PCDHGA10: variants seen among roughly 807,000 people sequenced by gnomAD.
The protein encoded by PCDHGA10 is protocadherin gamma-A10.
PCDHGA10 carries 42 observed loss-of-function variants against 59.5 expected under a neutral mutation model. That is an observed-to-expected ratio of 0.71 (90% CI 0.55 to 0.91). The LOEUF is 0.91. Ranked by LOEUF, PCDHGA10 falls within the 40% of genes least tolerant of loss-of-function variation. The pLI is 0.00. For synonymous variants in PCDHGA10, 511 were observed against 517.2 expected (o/e 0.99, Z 0.16); for missense variants, 1,111 against 1,198.2 (o/e 0.93, Z 1.07).
chr5:141,420,519 A>G (rs1056198647), intron 1 of PCDHGA10: 1 of 387,066 alleles, frequency 2.6e-6, no homozygotes, highest in African/African-American at 2.1e-5. Flanking sequence ...GAAGTAAAAT[A>G]CCTTTCGGTT....
Position 141,413,187 on chromosome 5 carries a change from A to G in PCDHGA10, c.12A>G (p.Gln4=), listed in dbSNP as rs778441437. The G allele has an allele frequency of 6.2e-6, 10 of 1,606,328 alleles. No individual in the cohort carries two copies. The African/African-American group carries it at 1.3e-4, about 22-fold the overall frequency. The change falls in exon 1 of 4, where the codon CAA becomes CAG. Residue 4 remains glutamine (Q), a synonymous_variant. Transcript: ENST00000398610. The part of the protein sequence containing the change: MAA[Q]RNRSKESKDC... Reference sequence around the variant, plus strand: ...GTAACCAGACTACAATGGCCGCTCAAAGGAATCGCTCAAAGGAATCAAAGG... The same window carrying G: ...GTAACCAGACTACAATGGCCGCTCAGAGGAATCGCTCAAAGGAATCAAAGG...
intron 1 of PCDHGA10, among the ~76,000 whole-genome samples, chr5:141,444,872 G>T (rs2098449555): frequency 6.6e-6 from 1 of 152,120 alleles, no homozygotes. Context: ...ACAGGACAAA[G>T]CTTGTAGGAT....
At chr5:141,455,394 C>T (rs1034564159) in intron 1 of PCDHGA10, among the ~76,000 whole-genome samples, 2 of 152,004 alleles carry the variant, frequency 1.3e-5, no homozygotes, top group African/African-American at 4.8e-5. Context: ...AAGGAGCTCC[C>T]CCTTACAGAG....
In PCDHGA10 at chr5:141,474,958, C is replaced by T. The variant is rs114469479; in HGVS notation, c.2437-19849C>T. On this transcript the variant is annotated intron_variant, in intron 1 of 3. Transcript: ENST00000398610. ...CACAGTGGACTCTTTTATTCACTAT[C>T]CTAATCATTATAATTTTGTTTGGTG... is the stretch of plus-strand genomic sequence containing the variant. Among the ~76,000 whole-genome samples the T allele has an allele frequency of 4.4e-3, 666 of 152,340 alleles. 6 individuals are homozygous for T. The highest frequency in any genetic ancestry group is 0.015 in the African/African-American group (634 of 41,572).
intron 1 of PCDHGA10, chr5:141,421,203 G>A (rs779780797): frequency 2.6e-6 from 4 of 1,522,494 alleles, no homozygotes; most frequent in African/African-American, 1.4e-5. Context: ...TCGAGAAACC[G>A]CGGAATATCG....
chr5:141,487,176 A>T lies in PCDHGA10; in HGVS notation c.2437-7631A>T. ...ACTCTCTTAGTGTCCTTAGAGGAAG[A>T]CACTCATCCAGTTGTCCCAGATCTT... On this transcript the variant is annotated intron_variant, in intron 1 of 3. Transcript: ENST00000398610. This position sits in a 1 kb window ranked among gnomAD's most constrained non-coding sequence, Gnocchi z 5.0. 1 of 1,613,774 alleles carries T rather than the reference A, an allele frequency of 6.2e-7. No individual in the cohort carries two copies. Among genetic ancestry groups the T allele is most frequent in the South Asian group, 1.1e-5 (1 of 91,082 alleles).
rs775153988 is a variant in PCDHGA10 at position 141,485,268 on chromosome 5, G to A, written c.2437-9539G>A. On this transcript the variant is annotated intron_variant, in intron 1 of 3. Coordinates refer to ENST00000398610, the MANE Select transcript of PCDHGA10 (RefSeq NM_018913.3). This position sits in a 1 kb window ranked among gnomAD's most constrained non-coding sequence, Gnocchi z 5.7. ...CTGGGTTACGTTTGTGGGCAGATCC[G>A]CTACCCGGTCCCAGAGGAGTCACAG... 6.2e-7 allele frequency: 1 copy of A among 1,614,100 alleles called. No homozygotes were observed. Among genetic ancestry groups the A allele is most frequent in the Non-Finnish European group, 8.5e-7 (1 of 1,179,936 alleles).
chr5:141,491,361 C>T lies in PCDHGA10; in HGVS notation c.2437-3446C>T. 1 of 1,614,132 alleles carries T rather than the reference C, an allele frequency of 6.2e-7. No homozygotes were observed. The highest frequency in any genetic ancestry group is 8.5e-7 in the Non-Finnish European group (1 of 1,179,982). ...CGACCGTCAGTCTCTTATCCCTAGT[C>T]ACCTTCACCTTTCTGTCAGCGAAGT... On this transcript the variant is annotated intron_variant, in intron 1 of 3. Transcript: ENST00000398610. The surrounding 1 kb of genome is among the most constrained non-coding windows in gnomAD (Gnocchi z 6.9).
At chr5:141,429,875 A>G (rs959789833) in intron 1 of PCDHGA10, among the ~76,000 whole-genome samples, 3 of 152,322 alleles carry the variant, frequency 2.0e-5, no homozygotes, top group Middle Eastern at 6.8e-3. Context: ...ATTTTCTTTT[A>G]CTAAGTTTCC....
Position 141,486,178 on chromosome 5 carries a change from C to A in PCDHGA10, c.2437-8629C>A, listed in dbSNP as rs767840363. On this transcript the variant is annotated intron_variant, in intron 1 of 3. Transcript: ENST00000398610. This position sits in a 1 kb window ranked among gnomAD's most constrained non-coding sequence, Gnocchi z 5.0. ...CTCCAGCCATGGAGCAACATTGCAG[C>A]CTTCGAGTGGATCTGCTGGACGTAA... 1.2e-6 allele frequency: 2 copies of A among 1,614,194 alleles called. No homozygotes were observed. The highest frequency in any genetic ancestry group is 2.2e-5 in the East Asian group (1 of 44,882).
At chr5:141,430,716 G>T (rs1327065498) in intron 1 of PCDHGA10, 2 of 1,487,962 alleles carry the variant, frequency 1.3e-6, no homozygotes, top group African/African-American at 2.8e-5. Context: ...CCTGACTTCA[G>T]TGGTTAAGGG....
At chr5:141,466,556 T>C (rs1398776914) in intron 1 of PCDHGA10, among the ~76,000 whole-genome samples, 1 of 152,222 alleles carries the variant, frequency 6.6e-6, no homozygotes, top group Non-Finnish European at 1.5e-5. Context: ...TGCTGTGGGC[T>C]TCATCTTCAA....
At chr5:141,420,747 A>T (rs2096522944) in intron 1 of PCDHGA10, among the ~76,000 whole-genome samples, 1 of 152,220 alleles carries the variant, frequency 6.6e-6, no homozygotes, top group South Asian at 2.1e-4. Flanking sequence ...ATTGGAACCA[A>T]CTACAACCTA....
chr5:141,489,206 C>A lies in PCDHGA10; in HGVS notation c.2437-5601C>A. On this transcript the variant is annotated intron_variant, in intron 1 of 3. Transcript: ENST00000398610. This position sits in a 1 kb window ranked among gnomAD's most constrained non-coding sequence, Gnocchi z 4.5. ...TGGGTCTACCTTGGAGACAGGACAG[C>A]ACAGACTTACTCTCCACAAAGGGAC... 2 of 1,439,024 alleles carry A rather than the reference C, an allele frequency of 1.4e-6. No individual in the cohort carries two copies. Among genetic ancestry groups the A allele is most frequent in the Non-Finnish European group, 1.9e-6 (2 of 1,060,928 alleles). 89.1% of individuals were successfully genotyped at this position (1,439,024 alleles called of 1,614,324 possible). A position where few individuals can be genotyped will look rare whatever the true frequency, so the allele number is the denominator to read the frequency against.
In PCDHGA10 at chr5:141,490,654, C is replaced by A; in HGVS notation, c.2437-4153C>A. On this transcript the variant is annotated intron_variant, in intron 1 of 3. Transcript: ENST00000398610. The surrounding 1 kb of genome is among the most constrained non-coding windows in gnomAD (Gnocchi z 5.4). ...CCTAGAAAACCGGCCTCCGGGCTCC[C>A]TTCTTTGCACTGTGGCTGCCTCAGA... 6.2e-7 allele frequency: 1 copy of A among 1,614,206 alleles called. No individual in the cohort carries two copies. Among genetic ancestry groups the A allele is most frequent in the Non-Finnish European group, 8.5e-7 (1 of 1,180,014 alleles).
In PCDHGA10 at chr5:141,433,363, CTATCT is replaced by C. The variant is rs2097590943; in HGVS notation, c.2436+17753_2436+17757del. On this transcript the variant is annotated intron_variant, in intron 1 of 3. Transcript: ENST00000398610. ...TGCAAGCCACCTACTGTCTGCCTAT[CTATCT>C]ATCTATCTATCTATCTATCTATCTA... 4 of 463,386 alleles carry C rather than the reference CTATCT, an allele frequency of 8.6e-6. No homozygotes were observed. The African/African-American group carries it at 1.1e-4, about 13-fold the overall frequency. 28.7% of individuals were successfully genotyped at this position (463,386 alleles called of 1,614,324 possible). A position where few individuals can be genotyped will look rare whatever the true frequency, so the allele number is the denominator to read the frequency against.
intron 1 of PCDHGA10, among the ~76,000 whole-genome samples, chr5:141,455,445 C>T (rs1175054167): frequency 6.6e-6 from 1 of 152,134 alleles, no homozygotes; most frequent in Non-Finnish European, 1.5e-5. Context: ...TCCCCATCTA[C>T]CGCGGATACC....
chr5:141,512,395 C>T lies in PCDHGA10; in HGVS notation c.*1222C>T, dbSNP rs1229077213. ...ACCAAATGAACAGAAAGTCTCAGCCCAGGATGGGGCTTCTTCAACAGGGCC... is the reference window on the plus strand; with the variant it reads ...ACCAAATGAACAGAAAGTCTCAGCCTAGGATGGGGCTTCTTCAACAGGGCC... On this transcript the variant is annotated 3_prime_UTR_variant, in exon 4 of 4. Coordinates refer to ENST00000398610, the MANE Select transcript of PCDHGA10 (RefSeq NM_018913.3). 1 of 152,690 alleles carries T rather than the reference C, an allele frequency of 6.5e-6. No individual in the cohort carries two copies. Among genetic ancestry groups the T allele is most frequent in the Non-Finnish European group, 1.5e-5 (1 of 68,072 alleles). The allele number at this position is 152,690 out of a possible 1,614,324, so 9.5% of individuals were successfully genotyped here.
chr5:141,456,122 C>A (rs1411002229), intron 1 of PCDHGA10, among the ~76,000 whole-genome samples: 1 of 152,176 alleles, frequency 6.6e-6, no homozygotes, highest in East Asian at 1.9e-4. Context: ...TGGTCTCCAT[C>A]TCCTGACCTC....
Sources: allele counts gnomAD v4.1 joint callset (sites outside exome capture counted in the v4.1 genomes callset), GRCh38; gene constraint gnomAD v4.1.1; non-coding constraint Gnocchi (gnomAD v3.1); transcripts MANE v1.5; gene names NCBI Gene and HGNC (gene_info 2026-07-23, HGNC 2026-07-21).